Variants in PIAS4 observed in about 807,000 individuals in gnomAD.
The protein encoded by PIAS4 is protein inhibitor of activated STAT 4.
PIAS4 carries 7 observed loss-of-function variants against 58.0 expected under a neutral mutation model. The observed-to-expected ratio is 0.12, with a 90% CI of 0.07 to 0.23. The LOEUF is 0.23. Among genes scored for constraint, PIAS4 ranks in the 10% least tolerant of loss-of-function variants. The pLI, the probability that PIAS4 is intolerant of heterozygous loss-of-function variation, is 1.00. For missense variants in PIAS4, 550 were observed against 709.5 expected, an observed-to-expected ratio of 0.78 and a Z score of 2.55; for synonymous variants, 364 against 312.4, an observed-to-expected ratio of 1.17 and a Z score of -1.74.
intron 2 of PIAS4, among the ~76,000 whole-genome samples, chr19:4,015,826 G>A (rs972390745): frequency 6.6e-6 from 1 of 152,226 alleles, no homozygotes; most frequent in Non-Finnish European, 1.5e-5. Context: ...AATAGCCGCC[G>A]GCCGGCTCCA....
At chr19:4,010,940 G>T (rs902276312) in intron 1 of PIAS4, among the ~76,000 whole-genome samples, 1 of 152,210 alleles carries the variant, frequency 6.6e-6, no homozygotes, top group African/African-American at 2.4e-5. Flanking sequence ...CAGCCTCTCC[G>T]TCTCCAACAG....
Position 4,037,230 on chromosome 19 carries a change from T to C in PIAS4, c.1143-144T>C. The C allele has an allele frequency of 9.5e-7, 1 of 1,048,014 alleles. No individual in the cohort carries two copies. Among genetic ancestry groups the C allele is most frequent in the Non-Finnish European group, 1.3e-6 (1 of 747,604 alleles). The allele number at this position is 1,048,014 out of a possible 1,614,324, so 64.9% of individuals were successfully genotyped here. On this transcript the variant is annotated intron_variant, in intron 9 of 10. Transcript: ENST00000262971. This position sits in a 1 kb window ranked among gnomAD's most constrained non-coding sequence, Gnocchi z 5.8. The stretch of plus-strand genomic sequence containing the variant: ...GGCGGGGGAGGGAATGCGGGGTCCC[T>C]GGACCCCTGCGGTCGGGGTGGTGAG...
At chr19:4,029,372 C>T (rs1413447084) in intron 7 of PIAS4, among the ~76,000 whole-genome samples, 1 of 152,088 alleles carries the variant, frequency 6.6e-6, no homozygotes, top group East Asian at 1.9e-4. Context: ...GTGAGAGGAG[C>T]ACAGAGGGAG....
chr19:4,011,593 C>T (rs1046606924), intron 1 of PIAS4, among the ~76,000 whole-genome samples: 8 of 152,310 alleles, frequency 5.3e-5, no homozygotes, highest in Non-Finnish European at 1.2e-4. Context: ...GCTATCTTCC[C>T]CTTGGACCGG....
intron 2 of PIAS4, among the ~76,000 whole-genome samples, chr19:4,022,928 T>C (rs1001001487): frequency 2.0e-5 from 3 of 151,516 alleles, no homozygotes; most frequent in Admixed American, 1.3e-4. Flanking sequence ...TTCCAGCACA[T>C]TGGGAGGCCG....
At chr19:4,028,298 C>A in intron 4 of PIAS4, 111 bp downstream of exon 4, 1 of 936,164 alleles carries the variant, frequency 1.1e-6, no homozygotes, top group Non-Finnish European at 1.6e-6. Context: ...AACAGCAGAG[C>A]CCAGCTCTCC....
Position 4,013,896 on chromosome 19 carries a change from C to T in PIAS4, c.454+547C>T, listed in dbSNP as rs916933338. On this transcript the variant is annotated intron_variant, in intron 2 of 10. Transcript: ENST00000262971. The surrounding 1 kb of genome is among the most constrained non-coding windows in gnomAD (Gnocchi z 5.1). ...CCTTTTTATAACCCAACCTCGGACACGCCTCGCCATCTCCCCCACAGAGTC... is the reference window on the plus strand; with the variant it reads ...CCTTTTTATAACCCAACCTCGGACATGCCTCGCCATCTCCCCCACAGAGTC... Among the ~76,000 whole-genome samples, 6 of 152,280 alleles carry T rather than the reference C, an allele frequency of 3.9e-5. No individual in the cohort carries two copies. Among genetic ancestry groups the T allele is most frequent in the Non-Finnish European group, 5.9e-5 (4 of 68,016 alleles).
chr19:4,015,856 C>T (rs1248632553), intron 2 of PIAS4, among the ~76,000 whole-genome samples: 9 of 152,200 alleles, frequency 5.9e-5, no homozygotes, highest in Non-Finnish European at 8.8e-5. Flanking sequence ...CCGCGCCAGG[C>T]GGACAGGAGC....
rs966399699 is a variant in PIAS4, at chr19:4,038,202, G to A, written c.*327G>A. 4 of 286,954 alleles carry A rather than the reference G, an allele frequency of 1.4e-5. No individual in the cohort carries two copies. Among genetic ancestry groups the A allele is most frequent in the African/African-American group, 2.3e-5 (1 of 43,174 alleles). The allele number at this position is 286,954 out of a possible 1,614,324, so 17.8% of individuals were successfully genotyped here. The stretch of plus-strand genomic sequence containing the variant: ...GGTAGTGGGCGGGAGGGACCAGGAC[G>A]CCGCCCCGCGCCCTCCCCTCCGGAT... On this transcript the variant is annotated 3_prime_UTR_variant, in exon 11 of 11. Coordinates refer to ENST00000262971, the MANE Select transcript of PIAS4 (RefSeq NM_015897.4). The surrounding 1 kb of genome is among the most constrained non-coding windows in gnomAD (Gnocchi z 4.1).
intron 2 of PIAS4, among the ~76,000 whole-genome samples, chr19:4,015,617 C>T (rs2040044900): frequency 6.6e-6 from 1 of 152,174 alleles, no homozygotes; most frequent in Non-Finnish European, 1.5e-5. Flanking sequence ...GCAGTGGTCC[C>T]CATGGTTTTA....
intron 1 of PIAS4, among the ~76,000 whole-genome samples, chr19:4,008,856 C>T (rs2039967385): frequency 1.3e-5 from 2 of 151,868 alleles, no homozygotes; most frequent in African/African-American, 2.4e-5. Context: ...TCTGCCTATT[C>T]TCTTTTGTTG....
At position 4,013,040 on chromosome 19, in the gene PIAS4, G is replaced by A; in HGVS notation, c.145G>A (p.Asp49Asn). The change falls in exon 2 of 11, where the codon GAC becomes AAC. Residue 49 changes from aspartate to asparagine, a missense_variant. Physicochemically the swap from Asp to Asn is conservative, Grantham distance 23. This residue lies in a region of PIAS4 where 42 missense variants were observed against 84.3 expected (regional missense o/e 0.50). Coordinates refer to ENST00000262971, the MANE Select transcript of PIAS4 (RefSeq NM_015897.4). The surrounding 1 kb of genome is among the most constrained non-coding windows in gnomAD (Gnocchi z 5.1). ...CAGGGCCCTCCAGCTGGTGCAGTTT[G>A]ACTGTAGCCCTGAGCTGTTCAAGAA... ...VTRALQLVQFDCSPELFKKIK... is the reference protein window; with the variant it reads ...VTRALQLVQFNCSPELFKKIK... 6.2e-7 allele frequency: 1 copy of A among 1,613,612 alleles called. No homozygotes were observed. Among genetic ancestry groups the A allele is most frequent in the East Asian group, 2.2e-5 (1 of 44,872 alleles).
rs1317972646 is a variant in PIAS4, at chr19:4,027,576, T to G, written c.540-570T>G. Among the ~76,000 whole-genome samples, 6 of 150,940 alleles carry G rather than the reference T, an allele frequency of 4.0e-5. No homozygotes were observed. The East Asian group carries it at 1.2e-3, about 29-fold the overall frequency. ...AGGTGTTACTGGTTTTTGTTTTTTTTTTTTTGGAGAGTGTTTCTCTTTGTT... is the reference window on the plus strand; with the variant it reads ...AGGTGTTACTGGTTTTTGTTTTTTTGTTTTTGGAGAGTGTTTCTCTTTGTT... On this transcript the variant is annotated intron_variant, in intron 3 of 10. Transcript: ENST00000262971.
chr19:4,014,886 G>A (rs2040035684), intron 2 of PIAS4, among the ~76,000 whole-genome samples: 1 of 152,188 alleles, frequency 6.6e-6, no homozygotes, highest in African/African-American at 2.4e-5. Context: ...AGTGAGGTTA[G>A]GCTGGAGGGG....
chr19:4,014,561 G>A (rs1309940797), intron 2 of PIAS4, among the ~76,000 whole-genome samples: 1 of 152,128 alleles, frequency 6.6e-6, no homozygotes, highest in African/African-American at 2.4e-5. Flanking sequence ...CCCCTCCCCT[G>A]CCCCCACTCT....
chr19:4,034,990 C>T (rs554499465), intron 9 of PIAS4, among the ~76,000 whole-genome samples: 23 of 152,278 alleles, frequency 1.5e-4, no homozygotes, highest in Admixed American at 3.3e-4. Flanking sequence ...CAGACATAAA[C>T]GTTCCCGTTG....
Position 4,013,389 on chromosome 19 carries a change from A to C in PIAS4, c.454+40A>C, listed in dbSNP as rs1481998930. On this transcript the variant is annotated intron_variant, in intron 2 of 10. Transcript: ENST00000262971. The surrounding 1 kb of genome is among the most constrained non-coding windows in gnomAD (Gnocchi z 5.1). ...TGGGGAGGCTGCGACTGGAGGCTTC[A>C]CCTAGGCCCCGTCGCCCAGCCCAGC... is the stretch of plus-strand genomic sequence containing the variant. The C allele has an allele frequency of 4.5e-6, 7 of 1,557,676 alleles. No individual in the cohort carries two copies. The highest frequency in any genetic ancestry group is 6.1e-6 in the Non-Finnish European group (7 of 1,139,782).
At chr19:4,012,272 C>T (rs942221187) in intron 1 of PIAS4, among the ~76,000 whole-genome samples, 1 of 151,976 alleles carries the variant, frequency 6.6e-6, no homozygotes, top group African/African-American at 2.4e-5. Context: ...CAGAGCCAGG[C>T]CTGGGTTCGA....
At chr19:4,030,593 T>C (rs944777670) in intron 7 of PIAS4, among the ~76,000 whole-genome samples, 5 of 147,110 alleles carry the variant, frequency 3.4e-5, no homozygotes, top group Non-Finnish European at 7.4e-5. Context: ...CACTCCAGCC[T>C]GGGTGAGAGT....
Sources: gnomAD v4.1 joint callset for allele counts (sites outside exome capture counted in the v4.1 genomes callset) on GRCh38, gnomAD v4.1.1 for gene constraint, gnomAD v4.1.1 regional missense constraint, Gnocchi (gnomAD v3.1) non-coding constraint, MANE v1.5 for transcripts, NCBI Gene and HGNC (gene_info 2026-07-23, HGNC 2026-07-21) for gene names.